Variants in RAB11FIP4 observed in about 807,000 individuals in gnomAD.
The protein encoded by RAB11FIP4 is RAB11 family interacting protein 4.
Under a neutral mutation model 74.3 loss-of-function variants are expected in RAB11FIP4, and 23 were observed. That is an observed-to-expected ratio of 0.31 (90% CI 0.22 to 0.44). The LOEUF (loss-of-function observed/expected upper bound fraction) is 0.44. Ranked by LOEUF, RAB11FIP4 falls within the 20% of genes least tolerant of loss-of-function variation. The pLI is 1.00. For synonymous variants in RAB11FIP4, 360 were observed against 359.9 expected, an observed-to-expected ratio of 1.00 and a Z score of 0.00; for missense variants, 630 against 863.9, an observed-to-expected ratio of 0.73 and a Z score of 3.39.
intron 7 of RAB11FIP4, chr17:31,522,813 T>C (rs1310227142): frequency 5.1e-6 from 1 of 196,418 alleles, no homozygotes; most frequent in East Asian, 1.3e-4. Flanking sequence ...TCCGATTAAG[T>C]CCTGCGGCAG....
chr17:31,453,722 G>A (rs1046239550), intron 3 of RAB11FIP4, among the ~76,000 whole-genome samples: 2 of 149,848 alleles, frequency 1.3e-5, no homozygotes, highest in African/African-American at 4.9e-5. Flanking sequence ...CTACTAGGGA[G>A]GCTGAGGCAG....
At chr17:31,405,884 T>TCGAG in intron 1 of RAB11FIP4, among the ~76,000 whole-genome samples, 1 of 152,172 alleles carries the variant, frequency 6.6e-6, no homozygotes, top group Non-Finnish European at 1.5e-5. Context: ...AGGTGTTTAC[T>TCGAG]GTGCCTGAAT....
intron 3 of RAB11FIP4, among the ~76,000 whole-genome samples, chr17:31,480,739 G>C (rs1204912595): frequency 7.6e-6 from 1 of 132,388 alleles, no homozygotes; most frequent in Admixed American, 9.5e-5. Context: ...AGTGAGCCGA[G>C]ATCACGCCAC....
chr17:31,415,844 G>A (rs12943943), intron 1 of RAB11FIP4, among the ~76,000 whole-genome samples: 10,173 of 152,118 alleles, frequency 0.067, 490 homozygotes, highest in Middle Eastern at 0.14. Flanking sequence ...CAGCTGGCTG[G>A]TGGCCCCTCT....
At chr17:31,505,505 T>TA (rs1491469295) in intron 3 of RAB11FIP4, among the ~76,000 whole-genome samples, 1 of 58,768 alleles carries the variant, frequency 1.7e-5, no homozygotes, top group Admixed American at 2.7e-4. Flanking sequence ...ATTATTATAT[T>TA]ATATATAATA....
At chr17:31,393,244 G>A (rs909451946) in intron 1 of RAB11FIP4, among the ~76,000 whole-genome samples, 2 of 152,202 alleles carry the variant, frequency 1.3e-5, no homozygotes, top group African/African-American at 4.8e-5. Flanking sequence ...CCCTCTGCGG[G>A]GCTTTGCTGA....
chr17:31,450,321 TTTATTA>T (rs67188813), intron 3 of RAB11FIP4, among the ~76,000 whole-genome samples: 4,427 of 137,752 alleles, frequency 0.032, 82 homozygotes, highest in African/African-American at 0.047. Context: ...CGCCACCGGC[TTTATTA>T]TTATTATTAT....
intron 1 of RAB11FIP4, among the ~76,000 whole-genome samples, chr17:31,403,334 T>C (rs2071012086): frequency 6.6e-6 from 1 of 151,760 alleles, no homozygotes; most frequent in African/African-American, 2.4e-5. Context: ...CTTTCTTTTT[T>C]TTTTTTGAGA....
At chr17:31,465,889 CT>C (rs1436155188) in intron 3 of RAB11FIP4, 1 of 151,460 alleles carries the variant, frequency 6.6e-6, no homozygotes, top group Non-Finnish European at 1.5e-5. Flanking sequence ...AATCCCAGCA[CT>C]TTGGGAGGCC....
At chr17:31,403,535 G>A (rs2071015184) in intron 1 of RAB11FIP4, among the ~76,000 whole-genome samples, 1 of 152,060 alleles carries the variant, frequency 6.6e-6, no homozygotes, top group South Asian at 2.1e-4. Context: ...TGTTGGCCAG[G>A]ATGATCTCGA....
intron 1 of RAB11FIP4, among the ~76,000 whole-genome samples, chr17:31,411,179 T>C (rs932361048): frequency 4.4e-4 from 67 of 152,174 alleles, no homozygotes; most frequent in Non-Finnish European, 5.3e-4. Flanking sequence ...CTGGCTAACA[T>C]GGTGAAACCC....
intron 1 of RAB11FIP4, among the ~76,000 whole-genome samples, chr17:31,429,989 C>A (rs1284919010): frequency 4.6e-5 from 7 of 152,158 alleles, no homozygotes; most frequent in Admixed American, 2.0e-4. Flanking sequence ...TTAACAATAG[C>A]AAGTTGCAAC....
At chr17:31,441,553 G>T (rs148384888) in intron 3 of RAB11FIP4, among the ~76,000 whole-genome samples, 1 of 151,260 alleles carries the variant, frequency 6.6e-6, no homozygotes, top group Non-Finnish European at 1.5e-5. Context: ...TTGAAACAGG[G>T]TCTTGCTCTT....
Position 31,532,519 on chromosome 17 carries a change from G to C in RAB11FIP4, c.*787G>C, listed in dbSNP as rs1000819466. The C allele has an allele frequency of 6.6e-6, 1 of 152,650 alleles. No homozygotes were observed. Among genetic ancestry groups the C allele is most frequent in the African/African-American group, 2.4e-5 (1 of 41,458 alleles). The allele number at this position is 152,650 out of a possible 1,614,324, so 9.5% of individuals were successfully genotyped here. On this transcript the variant is annotated 3_prime_UTR_variant, in exon 15 of 15. Transcript: ENST00000621161. ...GTAACATGAAGGGATAAAAATGAAG[G>C]AGAAGGAGGGTTTGGGATGGGTGTC... is the stretch of plus-strand genomic sequence containing the variant.
chr17:31,497,134 C>T (rs532390929), intron 3 of RAB11FIP4, among the ~76,000 whole-genome samples: 56 of 152,262 alleles, frequency 3.7e-4, no homozygotes, highest in South Asian at 3.1e-3. Context: ...GAGGCCAACG[C>T]GGGCGGATCA....
intron 3 of RAB11FIP4, among the ~76,000 whole-genome samples, chr17:31,458,338 T>C (rs1275661581): frequency 6.6e-6 from 1 of 152,208 alleles, no homozygotes; most frequent in Non-Finnish European, 1.5e-5. Context: ...TCTGCAGTGC[T>C]GCAGGACCAT....
At chr17:31,417,041 C>T (rs1368324831) in intron 1 of RAB11FIP4, among the ~76,000 whole-genome samples, 1 of 151,738 alleles carries the variant, frequency 6.6e-6, no homozygotes, top group Non-Finnish European at 1.5e-5. Flanking sequence ...TTCCATCCAC[C>T]CCAGACCCCC....
chr17:31,505,649 A>G (rs1371325266), intron 3 of RAB11FIP4, among the ~76,000 whole-genome samples: 1 of 77,182 alleles, frequency 1.3e-5, no homozygotes, highest in Non-Finnish European at 2.9e-5. Context: ...AATTATATAT[A>G]ATATATAATA....
At chr17:31,489,681 G>C (rs1335258588) in intron 3 of RAB11FIP4, among the ~76,000 whole-genome samples, 5 of 152,204 alleles carry the variant, frequency 3.3e-5, no homozygotes, top group Non-Finnish European at 7.3e-5. Context: ...CTTCTAAGTT[G>C]ATTGCAAGTT....
Sources: allele counts gnomAD v4.1 joint callset (sites outside exome capture counted in the v4.1 genomes callset), GRCh38; gene constraint gnomAD v4.1.1; transcripts MANE v1.5; gene names NCBI Gene and HGNC (gene_info 2026-07-23, HGNC 2026-07-21).